Variants in METTL15 observed in about 807,000 individuals in gnomAD.
METTL15 encodes methyltransferase 15, mitochondrial 12S rRNA N4-cytidine.
Under a neutral mutation model 38.3 loss-of-function variants are expected in METTL15, and 34 were observed. The observed-to-expected ratio is 0.89, with a 90% CI of 0.68 to 1.18. The LOEUF is 1.18. Ranked by LOEUF, METTL15 falls within the 50% of genes most tolerant of loss-of-function variation. The pLI, the probability that METTL15 is intolerant of heterozygous loss-of-function variation, is 0.00. For synonymous variants in METTL15, 162 were observed against 170.9 expected, an observed-to-expected ratio of 0.95 and a Z score of 0.41; for missense variants, 438 against 498.4, an observed-to-expected ratio of 0.88 and a Z score of 1.15.
chr11:28,515,539 T>G (rs182957976), intron 6 of METTL15, among the ~76,000 whole-genome samples: 55 of 152,368 alleles, frequency 3.6e-4, no homozygotes, highest in African/African-American at 1.3e-3. Context: ...CATATGGCCC[T>G]TCACCTCTTT....
intron 5 of METTL15, among the ~76,000 whole-genome samples, chr11:28,294,716 C>T (rs181906135): frequency 6.6e-6 from 1 of 152,076 alleles, no homozygotes; most frequent in Admixed American, 6.6e-5. Context: ...ACTCCTTGAC[C>T]ACATGAATGC....
At chr11:28,220,861 G>C (rs919317159) in intron 4 of METTL15, among the ~76,000 whole-genome samples, 6 of 152,058 alleles carry the variant, frequency 3.9e-5, no homozygotes, top group Middle Eastern at 3.2e-3. Flanking sequence ...ATTGAAAATT[G>C]TTTTCTTTAA....
At chr11:28,485,903 C>T (rs985729808) in intron 6 of METTL15, among the ~76,000 whole-genome samples, 1 of 152,106 alleles carries the variant, frequency 6.6e-6, no homozygotes, top group Non-Finnish European at 1.5e-5. Flanking sequence ...TTCTTCTATG[C>T]GTGTGCATGT....
chr11:28,211,342 A>G (rs1852633989), intron 4 of METTL15, 144 bp downstream of exon 4: 6 of 640,926 alleles, frequency 9.4e-6, no homozygotes, highest in Non-Finnish European at 9.6e-6. Context: ...AAAAGAATTA[A>G]TGTAAGTGAT....
intron 5 of METTL15, chr11:28,410,526 A>C (rs1221444183): frequency 6.6e-6 from 1 of 152,176 alleles, no homozygotes; most frequent in Non-Finnish European, 1.5e-5. Context: ...TAAACACTTG[A>C]TCATCTCAAT....
intron 4 of METTL15, among the ~76,000 whole-genome samples, chr11:28,222,369 C>T (rs1233841982): frequency 1.3e-5 from 2 of 152,212 alleles, no homozygotes; most frequent in Non-Finnish European, 2.9e-5. Context: ...AGGATATAAT[C>T]TCCTGGTGTG....
At chr11:28,277,764 G>A (rs553722781) in intron 4 of METTL15, among the ~76,000 whole-genome samples, 2 of 152,160 alleles carry the variant, frequency 1.3e-5, no homozygotes, top group South Asian at 4.2e-4. Context: ...GATGGAACTA[G>A]AGGTCCTTAT....
At position 28,261,416 on chromosome 11, in the gene METTL15, C is replaced by T. The variant is rs146323250; in HGVS notation, c.408-28790C>T. On this transcript the variant is annotated intron_variant, in intron 4 of 6. Coordinates refer to ENST00000407364, the MANE Select transcript of METTL15 (RefSeq NM_001113528.2). ...AGATCTAGGTGGGACACACATGGAG[C>T]AGTGAGGGAGGAAGGGGACACCCAC... 1.5e-4 allele frequency: 24 copies of T among 155,816 alleles called. No individual in the cohort carries two copies. The East Asian group carries it at 2.9e-3, about 19-fold the overall frequency. 9.7% of individuals were successfully genotyped at this position (155,816 alleles called of 1,614,324 possible). A position where few individuals can be genotyped will look rare whatever the true frequency, so the allele number is the denominator to read the frequency against.
intron 5 of METTL15, among the ~76,000 whole-genome samples, chr11:28,386,161 A>G (rs1850438408): frequency 6.6e-6 from 1 of 152,092 alleles, no homozygotes; most frequent in Non-Finnish European, 1.5e-5. Context: ...CAAAAAATCA[A>G]CAAAACACAA....
intron 6 of METTL15, among the ~76,000 whole-genome samples, chr11:28,429,357 C>CCCTCTA (rs1447412364): frequency 9.5e-6 from 1 of 105,316 alleles, no homozygotes; most frequent in African/African-American, 3.7e-5. Context: ...GTAGCCCTCT[C>CCCTCTA]CCTCTCCCTC....
downstream of METTL15, among the ~76,000 whole-genome samples, chr11:28,336,089 G>A (rs1016120895): frequency 6.6e-6 from 1 of 152,026 alleles, no homozygotes; most frequent in Admixed American, 6.6e-5. Context: ...TAAGTGCAGC[G>A]TCTGCATCAC....
intron 4 of METTL15, among the ~76,000 whole-genome samples, chr11:28,249,374 G>A (rs1713860915): frequency 2.0e-5 from 3 of 151,888 alleles, no homozygotes; most frequent in Admixed American, 2.0e-4. Flanking sequence ...GATGATTATT[G>A]CTACTTTTAT....
At chr11:28,340,948 A>G (rs1411040703) in intron 3 of METTL15, among the ~76,000 whole-genome samples, 1 of 152,226 alleles carries the variant, frequency 6.6e-6, no homozygotes, top group African/African-American at 2.4e-5. Context: ...TAGACTGGAT[A>G]AAGAAAATGT....
Position 28,328,158 on chromosome 11 carries a change from A to G in METTL15, c.779-2238A>G, listed in dbSNP as rs1355349725. On this transcript the variant is annotated intron_variant, in intron 6 of 6. Coordinates refer to ENST00000407364, the MANE Select transcript of METTL15 (RefSeq NM_001113528.2). ...TATTAGGAAAATGGACGAATTGAAT[A>G]GCAAATGGTAAGAAGCTGGCCTTCC... The G allele has an allele frequency of 1.2e-6, 2 of 1,611,100 alleles. 1 individual carries two copies. The highest frequency in any genetic ancestry group is 2.2e-5 in the South Asian group (2 of 90,478).
intron 6 of METTL15, among the ~76,000 whole-genome samples, chr11:28,505,588 C>T (rs1393844465): frequency 1.3e-5 from 2 of 152,090 alleles, no homozygotes; most frequent in African/African-American, 4.8e-5. Flanking sequence ...TTATATTCTG[C>T]CTTTTGGTAA....
intron 4 of METTL15, among the ~76,000 whole-genome samples, chr11:28,284,723 G>A (rs1856185266): frequency 6.6e-6 from 1 of 152,106 alleles, no homozygotes; most frequent in African/African-American, 2.4e-5. Flanking sequence ...AATATAACTA[G>A]AACAAGGGGA....
chr11:28,190,635 A>G (rs1479668142), intron 3 of METTL15, among the ~76,000 whole-genome samples: 1 of 151,292 alleles, frequency 6.6e-6, no homozygotes, highest in Non-Finnish European at 1.5e-5. Flanking sequence ...GCTTGAAGTC[A>G]TGTGGCCATA....
rs367681970 is a variant in METTL15, at chr11:28,296,910, C to G, written c.757C>G (p.Gln253Glu). ...CATCTACCCCATCACCAGAACCCAG[C>G]AGCTTGCCAGCATCGTTGCAGGTAG... ...RSIYPITRTQ[Q>E]LASIVAGAFP... Residue 253 changes from glutamine (Q) to glutamate (E), a missense_variant, in exon 6 of 7, where the codon CAG (glutamine) becomes GAG (glutamate). Physicochemically the swap from Gln to Glu is conservative, Grantham distance 29. Coordinates refer to ENST00000407364, the MANE Select transcript of METTL15 (RefSeq NM_001113528.2). The G allele has an allele frequency of 6.2e-7, 1 of 1,613,392 alleles. No homozygotes were observed. Among genetic ancestry groups the G allele is most frequent in the African/African-American group, 1.3e-5 (1 of 74,854 alleles).
chr11:28,223,389 A>G (rs912031050), intron 4 of METTL15, among the ~76,000 whole-genome samples: 2 of 152,122 alleles, frequency 1.3e-5, no homozygotes, highest in Non-Finnish European at 2.9e-5. Context: ...GAAAAACACA[A>G]ATTTGTGTTT....
Sources: gnomAD v4.1 joint callset for allele counts (sites outside exome capture counted in the v4.1 genomes callset) on GRCh38, gnomAD v4.1.1 for gene constraint, MANE v1.5 for transcripts, NCBI Gene and HGNC (gene_info 2026-07-23, HGNC 2026-07-21) for gene names.